Variants in CGNL1 observed in about 807,000 individuals in gnomAD.
CGNL1 encodes the protein cingulin like 1.
A neutral mutation model predicts 141.2 loss-of-function variants in CGNL1; 132 were observed. That is an observed-to-expected ratio of 0.93 (90% CI 0.81 to 1.08). The LOEUF (loss-of-function observed/expected upper bound fraction) is 1.08, where lower values mean the gene tolerates loss of function less well. Among genes scored for constraint, CGNL1 ranks in the 50% least tolerant of loss-of-function variants. The pLI is 0.00. For synonymous variants in CGNL1, 690 were observed against 622.1 expected, an observed-to-expected ratio of 1.11 and a Z score of -1.63; for missense variants, 1,870 against 1,588.6, an observed-to-expected ratio of 1.18 and a Z score of -3.01.
At chr15:57,516,757 C>A in intron 8 of CGNL1, 23 bp from the exon 9 acceptor site, 1 of 1,610,986 alleles carries the variant, frequency 6.2e-7, no homozygotes, top group South Asian at 1.1e-5. Flanking sequence ...TCTCCTTGTT[C>A]ATTTGCTTTG....
In CGNL1 at chr15:57,516,932, C is replaced by A; in HGVS notation, c.2556C>A (p.Ile852=). The change falls in exon 9 of 19, where the codon ATC becomes ATA. Residue 852 remains isoleucine (I), a synonymous_variant. Coordinates refer to ENST00000281282, the MANE Select transcript of CGNL1 (RefSeq NM_032866.5). ...GAGTTGCTCAGCTTCAAAGGCAGAT[C>A]GAGGACCTGAAAGGCGATGAAGCCA... ...ERRVAQLQRQ[I]EDLKGDEAKA... 1.9e-6 allele frequency: 3 copies of A among 1,613,554 alleles called. No individual in the cohort carries two copies. The highest frequency in any genetic ancestry group is 1.7e-6 in the Non-Finnish European group (2 of 1,180,022).
intron 8 of CGNL1, among the ~76,000 whole-genome samples, chr15:57,502,310 T>TC (rs2064036464): frequency 6.6e-6 from 1 of 152,174 alleles, no homozygotes; most frequent in African/African-American, 2.4e-5. Flanking sequence ...AGGAGGAGTT[T>TC]CCATGCCTGA....
At chr15:57,519,113 C>A (rs1188424518) in intron 10 of CGNL1, among the ~76,000 whole-genome samples, 3 of 152,176 alleles carry the variant, frequency 2.0e-5, no homozygotes, top group Non-Finnish European at 4.4e-5. Flanking sequence ...TAGATTTTCC[C>A]ATTTGAAGTA....
Position 57,390,768 on chromosome 15 carries a change from C to T in CGNL1, c.-16+14201C>T, listed in dbSNP as rs146082631. Reference sequence around the variant, plus strand: ...GGACATTGATCATATCCTTTCACTGCGATGGGGCTCGTGGGAGTGCTGCCT... The same window carrying T: ...GGACATTGATCATATCCTTTCACTGTGATGGGGCTCGTGGGAGTGCTGCCT... On this transcript the variant is annotated intron_variant, in intron 1 of 18. Transcript: ENST00000281282. 3.4e-3 allele frequency among the ~76,000 whole-genome samples: 515 copies of T among 152,150 alleles called. 1 individual carries two copies. Among genetic ancestry groups the T allele is most frequent in the African/African-American group, 0.012 (478 of 41,494 alleles).
At chr15:57,392,880 T>G (rs766503393) in intron 1 of CGNL1, among the ~76,000 whole-genome samples, 11 of 152,168 alleles carry the variant, frequency 7.2e-5, no homozygotes, top group Non-Finnish European at 1.5e-4. Flanking sequence ...GACTAATACA[T>G]AAAAAATTGT....
At chr15:57,471,296 G>T (rs1231112884) in intron 8 of CGNL1, among the ~76,000 whole-genome samples, 1 of 152,212 alleles carries the variant, frequency 6.6e-6, no homozygotes, top group Non-Finnish European at 1.5e-5. Context: ...CTGTAGAGAG[G>T]ATTTTGGCTT....
intron 7 of CGNL1, among the ~76,000 whole-genome samples, chr15:57,459,147 G>T (rs1389305665): frequency 6.6e-6 from 1 of 152,150 alleles, no homozygotes; most frequent in Non-Finnish European, 1.5e-5. Flanking sequence ...GATTACCCAG[G>T]GGTTCCAAGA....
At position 57,489,718 on chromosome 15, in the gene CGNL1, A is replaced by T. The variant is rs558502425; in HGVS notation, c.2404-27062A>T. On this transcript the variant is annotated intron_variant, in intron 8 of 18. Transcript: ENST00000281282. ...CACTATTCTGTTCCTCTTAAGTTTT[A>T]TTTTCCAGGCTCCCTACCATTCAAG... is the stretch of plus-strand genomic sequence containing the variant. Among the ~76,000 whole-genome samples the T allele has an allele frequency of 5.3e-5, 8 of 152,212 alleles. No individual in the cohort carries two copies. In the South Asian group the frequency reaches 1.7e-3, roughly 32 times the overall value.
intron 12 of CGNL1, among the ~76,000 whole-genome samples, chr15:57,528,395 T>G (rs1458640123): frequency 1.3e-5 from 2 of 152,204 alleles, no homozygotes; most frequent in Non-Finnish European, 2.9e-5. Flanking sequence ...TCTATTTAAT[T>G]AAAAAATGCT....
At chr15:57,429,983 G>C (rs1339245393) in intron 1 of CGNL1, among the ~76,000 whole-genome samples, 1 of 152,120 alleles carries the variant, frequency 6.6e-6, no homozygotes, top group East Asian at 1.9e-4. Flanking sequence ...GCTAATTTTT[G>C]TATTTTTCAT....
rs967182677 is a variant in CGNL1 at position 57,516,642 on chromosome 15, G to C, written c.2404-138G>C. 3.5e-6 allele frequency: 3 copies of C among 849,218 alleles called. No homozygotes were observed. The South Asian group carries it at 5.1e-5, about 14-fold the overall frequency. The allele number at this position is 849,218 out of a possible 1,614,324, so 52.6% of individuals were successfully genotyped here. A position where few individuals can be genotyped will look rare whatever the true frequency, so the allele number is the denominator to read the frequency against. The stretch of plus-strand genomic sequence containing the variant: ...GGCTGGGTTTGGCCTGCAGGCTGTC[G>C]TTTGCCGACCCCTGGCTCAGCACAG... On this transcript the variant is annotated intron_variant, in intron 8 of 18. Coordinates refer to ENST00000281282, the MANE Select transcript of CGNL1 (RefSeq NM_032866.5).
At chr15:57,526,292 C>T (rs1007057716) in intron 12 of CGNL1, among the ~76,000 whole-genome samples, 1 of 152,156 alleles carries the variant, frequency 6.6e-6, no homozygotes, top group Non-Finnish European at 1.5e-5. Context: ...GACATGGACA[C>T]CTCATCATTC....
chr15:57,474,015 A>T (rs2063619248), intron 8 of CGNL1, among the ~76,000 whole-genome samples: 1 of 145,716 alleles, frequency 6.9e-6, no homozygotes, highest in East Asian at 2.1e-4. Flanking sequence ...GGTTCAAGCG[A>T]TTCTCCTGCC....
At chr15:57,498,245 GTT>G (rs56793548) in intron 8 of CGNL1, among the ~76,000 whole-genome samples, 1 of 101,086 alleles carries the variant, frequency 9.9e-6, no homozygotes, top group South Asian at 4.2e-4. Context: ...TGGGGAAACA[GTT>G]TTTTTTTTTT....
chr15:57,506,626 C>G (rs1299095048), intron 8 of CGNL1, among the ~76,000 whole-genome samples: 1 of 152,118 alleles, frequency 6.6e-6, no homozygotes, highest in African/African-American at 2.4e-5. Context: ...GGGGAATTTT[C>G]CCTCAAGCTG....
In CGNL1 at chr15:57,514,254, C is replaced by T. The variant is rs996824086; in HGVS notation, c.2404-2526C>T. ...GCAATCTCTGCCTCCCGAGTTCAAA[C>T]AATTCTCTCGCCTCAGCATCCCAAT... On this transcript the variant is annotated intron_variant, in intron 8 of 18. Transcript: ENST00000281282. Among the ~76,000 whole-genome samples, 12 of 152,238 alleles carry T rather than the reference C, an allele frequency of 7.9e-5. 1 individual carries two copies. In the South Asian group the frequency reaches 1.0e-3, roughly 13 times the overall value.
At chr15:57,377,932 A>G (rs1691783892) in intron 1 of CGNL1, among the ~76,000 whole-genome samples, 1 of 152,168 alleles carries the variant, frequency 6.6e-6, no homozygotes, top group Non-Finnish European at 1.5e-5. Context: ...AATGTGGAGA[A>G]TTTTCCTTCA....
At chr15:57,399,615 A>G (rs138187403) in intron 1 of CGNL1, among the ~76,000 whole-genome samples, 4 of 152,162 alleles carry the variant, frequency 2.6e-5, no homozygotes, top group African/African-American at 9.6e-5. Context: ...AAGACACAAG[A>G]AATGGACAGT....
At chr15:57,466,508 T>C (rs1243023556) in intron 8 of CGNL1, among the ~76,000 whole-genome samples, 3 of 152,242 alleles carry the variant, frequency 2.0e-5, no homozygotes, top group African/African-American at 7.2e-5. Context: ...GGAACTTCCC[T>C]CGCTGCCTTT....
Sources: allele counts gnomAD v4.1 joint callset (sites outside exome capture counted in the v4.1 genomes callset), GRCh38; gene constraint gnomAD v4.1.1; transcripts MANE v1.5; gene names NCBI Gene and HGNC (gene_info 2026-07-23, HGNC 2026-07-21).